PTPRO: variants seen among roughly 807,000 people sequenced by gnomAD.
The protein encoded by PTPRO is receptor-type tyrosine-protein phosphatase O.
PTPRO carries 62 observed loss-of-function variants against 145.2 expected under a neutral mutation model. That is an observed-to-expected ratio of 0.43 (90% CI 0.35 to 0.53). PTPRO has a LOEUF of 0.53. Among genes scored for constraint, PTPRO ranks in the 20% least tolerant of loss-of-function variants. PTPRO has a pLI of 0.01. For missense variants in PTPRO, 1,345 were observed against 1,482.7 expected, an observed-to-expected ratio of 0.91 and a Z score of 1.53; for synonymous variants, 565 against 514.7, an observed-to-expected ratio of 1.10 and a Z score of -1.32.
At chr12:15,408,641 T>G (rs142516091) in intron 1 of PTPRO, among the ~76,000 whole-genome samples, 1 of 152,168 alleles carries the variant, frequency 6.6e-6, no homozygotes, top group Non-Finnish European at 1.5e-5. Context: ...TTGGCCAGGC[T>G]GGTCTTGAAC....
At chr12:15,386,800 A>T (rs1939042862) in intron 1 of PTPRO, among the ~76,000 whole-genome samples, 1 of 152,198 alleles carries the variant, frequency 6.6e-6, no homozygotes, top group South Asian at 2.1e-4. Context: ...GCTCATGATA[A>T]TGATGCTCAA....
chr12:15,373,459 G>A (rs1381029), intron 1 of PTPRO, among the ~76,000 whole-genome samples: 25,943 of 152,064 alleles, frequency 0.17, 5,221 homozygotes, highest in African/African-American at 0.49. Flanking sequence ...TAAGTTTTCA[G>A]AAGTCTATAT....
rs148644276 is a variant in PTPRO, at chr12:15,325,041, A to G, written c.75+2240A>G. Among the ~76,000 whole-genome samples, 69 of 152,342 alleles carry G rather than the reference A, an allele frequency of 4.5e-4. No individual in the cohort carries two copies. In the East Asian group the frequency reaches 0.013, roughly 29 times the overall value. On this transcript the variant is annotated intron_variant, in intron 1 of 26. Coordinates refer to ENST00000281171, the MANE Select transcript of PTPRO (RefSeq NM_030667.3). ...ATACCAAACTGCTAACTGTATCTCA[A>G]TAATAAAATCCAAAATGTTCCACGT...
chr12:15,461,301 C>A (rs965686298), intron 1 of PTPRO, among the ~76,000 whole-genome samples: 2 of 152,128 alleles, frequency 1.3e-5, no homozygotes, highest in Non-Finnish European at 2.9e-5. Context: ...GTTGCCCTGC[C>A]ATTTTGGACC....
chr12:15,385,381 G>A (rs1938991702), intron 1 of PTPRO, among the ~76,000 whole-genome samples: 1 of 152,130 alleles, frequency 6.6e-6, no homozygotes, highest in East Asian at 1.9e-4. Context: ...TTTGATGCCA[G>A]CACAAAGCAG....
At chr12:15,496,271 C>G (rs1275292986) in intron 2 of PTPRO, among the ~76,000 whole-genome samples, 1 of 150,666 alleles carries the variant, frequency 6.6e-6, no homozygotes, top group Non-Finnish European at 1.5e-5. Flanking sequence ...GCCTCCCCAG[C>G]AGCTGGGATT....
In PTPRO at chr12:15,569,803, C is replaced by A. The variant is rs1024210616; in HGVS notation, c.2829+305C>A. Reference sequence around the variant, plus strand: ...AATCGAGAGTACAAGAAGAAAAATGCAAGCTGAGGCATGAAGCCTGAGACA... The same window carrying A: ...AATCGAGAGTACAAGAAGAAAAATGAAAGCTGAGGCATGAAGCCTGAGACA... On this transcript the variant is annotated intron_variant, in intron 19 of 26. Coordinates refer to ENST00000281171, the MANE Select transcript of PTPRO (RefSeq NM_030667.3). 3.9e-5 allele frequency among the ~76,000 whole-genome samples: 6 copies of A among 152,276 alleles called. 1 individual carries two copies. Among genetic ancestry groups the A allele is most frequent in the Admixed American group, 3.3e-4 (5 of 15,294 alleles).
chr12:15,570,722 A>G (rs1157717647), intron 19 of PTPRO, among the ~76,000 whole-genome samples: 1 of 152,242 alleles, frequency 6.6e-6, no homozygotes, highest in Non-Finnish European at 1.5e-5. Context: ...CTAAGCAAAC[A>G]TGAGGCAAAA....
intron 18 of PTPRO, among the ~76,000 whole-genome samples, chr12:15,568,232 C>T (rs776534041): frequency 1.3e-5 from 2 of 151,310 alleles, no homozygotes; most frequent in South Asian, 4.2e-4. Context: ...GATTTCAAGA[C>T]CACCTTGGAC....
rs537453914 is a variant in PTPRO at position 15,350,651 on chromosome 12, A to C, written c.75+27850A>C. Among the ~76,000 whole-genome samples, 23 of 152,332 alleles carry C rather than the reference A, an allele frequency of 1.5e-4. No homozygotes were observed. The South Asian group carries it at 3.9e-3, about 26-fold the overall frequency. ...AATAATTGCTATCAAATATTCTGAT[A>C]CAGGAATTCTTGAAACTGCCTGGTT... On this transcript the variant is annotated intron_variant, in intron 1 of 26. Coordinates refer to ENST00000281171, the MANE Select transcript of PTPRO (RefSeq NM_030667.3).
intron 1 of PTPRO, among the ~76,000 whole-genome samples, chr12:15,416,909 G>A (rs1025528058): frequency 1.3e-5 from 2 of 151,526 alleles, no homozygotes; most frequent in East Asian, 3.9e-4. Context: ...TCAATATACT[G>A]TATGGGGAGA....
intron 1 of PTPRO, among the ~76,000 whole-genome samples, chr12:15,420,249 A>G (rs534476765): frequency 2.7e-5 from 4 of 150,844 alleles, no homozygotes; most frequent in African/African-American, 7.4e-5. Context: ...TGCCTCTTTC[A>G]TAACTTATGG....
At chr12:15,363,608 T>C (rs1172146819) in intron 1 of PTPRO, among the ~76,000 whole-genome samples, 4 of 152,030 alleles carry the variant, frequency 2.6e-5, no homozygotes, top group African/African-American at 7.2e-5. Flanking sequence ...CCAGAGAATT[T>C]AGAAGCTATA....
chr12:15,389,819 G>T (rs1939139662), intron 1 of PTPRO, among the ~76,000 whole-genome samples: 1 of 152,160 alleles, frequency 6.6e-6, no homozygotes, highest in African/African-American at 2.4e-5. Context: ...CCTGGCTCAA[G>T]AAATTGAGAA....
intron 23 of PTPRO, among the ~76,000 whole-genome samples, chr12:15,583,348 A>G (rs1480946426): frequency 6.6e-6 from 1 of 151,874 alleles, no homozygotes; most frequent in Non-Finnish European, 1.5e-5. Context: ...GTGTAGTGGT[A>G]CACACCTGTA....
intron 1 of PTPRO, among the ~76,000 whole-genome samples, chr12:15,323,121 C>T (rs74848603): frequency 6.6e-6 from 1 of 152,230 alleles, no homozygotes; most frequent in Non-Finnish European, 1.5e-5. Flanking sequence ...AATGAGGTCA[C>T]TTTCTTTTCT....
At chr12:15,385,755 T>TA (rs1939003672) in intron 1 of PTPRO, among the ~76,000 whole-genome samples, 1 of 133,396 alleles carries the variant, frequency 7.5e-6, no homozygotes, top group Non-Finnish European at 1.5e-5. Context: ...GAGGTTGCAG[T>TA]GAGCAGAGAT....
At chr12:15,430,351 T>C (rs1041863035) in intron 1 of PTPRO, among the ~76,000 whole-genome samples, 4 of 152,008 alleles carry the variant, frequency 2.6e-5, no homozygotes, top group African/African-American at 9.7e-5. Flanking sequence ...GTTTGTACTA[T>C]GATAGAAGCC....
At chr12:15,539,874 G>C (rs189142251) in intron 12 of PTPRO, among the ~76,000 whole-genome samples, 3 of 149,170 alleles carry the variant, frequency 2.0e-5, no homozygotes, top group South Asian at 2.1e-4. Context: ...TAGGAAAAAG[G>C]CCTCATAATT....
Sources: gnomAD v4.1 joint callset for allele counts (sites outside exome capture counted in the v4.1 genomes callset) on GRCh38, gnomAD v4.1.1 for gene constraint, MANE v1.5 for transcripts, NCBI Gene and HGNC (gene_info 2026-07-23, HGNC 2026-07-21) for gene names.